Variants in RFC3 observed in about 807,000 individuals in gnomAD.
RFC3 encodes replication factor C subunit 3.
A neutral mutation model predicts 45.1 loss-of-function variants in RFC3; 41 were observed. That is an observed-to-expected ratio of 0.91 (90% CI 0.71 to 1.18). The LOEUF is 1.18. Ranked by LOEUF, RFC3 falls within the 50% of genes most tolerant of loss-of-function variation. RFC3 has a pLI of 0.00. For synonymous variants in RFC3, 149 were observed against 144.0 expected (o/e 1.03, Z -0.25); for missense variants, 423 against 428.1 (o/e 0.99, Z 0.10).
Position 33,931,610 on chromosome 13 carries a change from G to T in RFC3, c.880-34477G>T, listed in dbSNP as rs114176256. ...AAAGATATAATGTTACCTCCAGGGG[G>T]TGCCATTTCCTTGTGAATGACTGCC... On this transcript the variant is annotated intron_variant, in intron 8 of 8. Transcript: ENST00000434425. Among the ~76,000 whole-genome samples the T allele has an allele frequency of 7.2e-3, 1,083 of 150,956 alleles. 7 individuals carry two copies. The highest frequency in any genetic ancestry group is 0.026 in the African/African-American group (1,042 of 40,784).
At chr13:33,956,374 C>T (rs150760109) in intron 8 of RFC3, among the ~76,000 whole-genome samples, 1 of 152,240 alleles carries the variant, frequency 6.6e-6, no homozygotes, top group East Asian at 1.9e-4. Flanking sequence ...TTTCTGGGCC[C>T]ACGTTGGTAT....
In RFC3 at chr13:33,835,223, C is replaced by G. The variant is rs1204331812; in HGVS notation, c.879+6C>G. 6.3e-7 allele frequency: 1 copy of G among 1,595,164 alleles called. No homozygotes were observed. Reference sequence around the variant, plus strand: ...CTCCTGAGATAATAATGAAGGTAACCCAATTTCAGATCTTGAACTTTTTAC... The same window carrying G: ...CTCCTGAGATAATAATGAAGGTAACGCAATTTCAGATCTTGAACTTTTTAC... On this transcript the variant is annotated splice_donor_region_variant and intron_variant, in intron 8 of 8. Coordinates refer to ENST00000380071, the MANE Select transcript of RFC3 (RefSeq NM_002915.4).
intron 8 of RFC3, among the ~76,000 whole-genome samples, chr13:33,861,879 C>T (rs533271484): frequency 6.6e-6 from 1 of 152,238 alleles, no homozygotes; most frequent in Middle Eastern, 3.4e-3. Context: ...GTAAAACTAA[C>T]CCTGAAAATG....
intron 8 of RFC3, among the ~76,000 whole-genome samples, chr13:33,870,801 C>T (rs554751035): frequency 6.6e-6 from 1 of 152,142 alleles, no homozygotes; most frequent in Admixed American, 6.5e-5. Context: ...AAACAGATCC[C>T]AGGACTTATA....
chr13:33,950,760 T>C (rs1464583717), intron 8 of RFC3, among the ~76,000 whole-genome samples: 3 of 151,570 alleles, frequency 2.0e-5, no homozygotes, highest in African/African-American at 7.3e-5. Flanking sequence ...TCTCTCTCTC[T>C]TCTCTTTCTC....
At chr13:33,940,144 T>G (rs138050676) in intron 8 of RFC3, among the ~76,000 whole-genome samples, 34 of 152,304 alleles carry the variant, frequency 2.2e-4, no homozygotes, top group African/African-American at 7.9e-4. Context: ...TTGTTGAATT[T>G]TTATCTAAAT....
At chr13:33,830,082 T>C in intron 5 of RFC3, 65 bp downstream of exon 5, 1 of 1,409,060 alleles carries the variant, frequency 7.1e-7, no homozygotes, top group South Asian at 1.2e-5. Context: ...TGTATGCTTG[T>C]TGTAAAAGAA....
chr13:33,841,623 T>C (rs1274999266), downstream of RFC3, among the ~76,000 whole-genome samples: 3 of 152,238 alleles, frequency 2.0e-5, no homozygotes, highest in Non-Finnish European at 2.9e-5. Context: ...AATAGACTAT[T>C]GGTAATTACA....
downstream of RFC3, among the ~76,000 whole-genome samples, chr13:33,968,639 A>G (rs909847090): frequency 6.6e-6 from 1 of 152,238 alleles, no homozygotes; most frequent in Non-Finnish European, 1.5e-5. Context: ...AGTATCCAAC[A>G]TTGTTGAAAA....
rs115727524 is a variant in RFC3, at chr13:33,958,285, C to T, written c.880-7802C>T. On this transcript the variant is annotated intron_variant, in intron 8 of 8. Transcript: ENST00000434425. ...GCCTTGAGGTGGGAATGGGCCAGGC[C>T]GTTTGGAGTGTAATGGCAGGGTCCC... 4.4e-3 allele frequency among the ~76,000 whole-genome samples: 666 copies of T among 152,230 alleles called. 4 individuals are homozygous for T. The highest frequency in any genetic ancestry group is 0.015 in the African/African-American group (628 of 41,522).
intron 8 of RFC3, among the ~76,000 whole-genome samples, chr13:33,874,202 C>T (rs1270010916): frequency 6.6e-6 from 1 of 152,156 alleles, no homozygotes; most frequent in Non-Finnish European, 1.5e-5. Context: ...TCTATTCTAC[C>T]ACACACTAAT....
chr13:33,828,938 A>G (rs1057043976), intron 4 of RFC3, among the ~76,000 whole-genome samples: 1 of 152,174 alleles, frequency 6.6e-6, no homozygotes, highest in African/African-American at 2.4e-5. Flanking sequence ...TTCCTCCCAC[A>G]CCGTTGCTGA....
intron 1 of RFC3, among the ~76,000 whole-genome samples, chr13:33,818,953 C>A (rs570898315): frequency 9.3e-4 from 131 of 141,346 alleles, no homozygotes; most frequent in African/African-American, 3.2e-3. Context: ...TGCAATGGCG[C>A]GGTCTCGGCT....
At chr13:33,888,368 C>G (rs955209984) in intron 8 of RFC3, among the ~76,000 whole-genome samples, 1 of 152,156 alleles carries the variant, frequency 6.6e-6, no homozygotes, top group African/African-American at 2.4e-5. Flanking sequence ...CTGGGAAGTC[C>G]TCCTAAACAG....
At chr13:33,833,280 G>T (rs3135621) in intron 7 of RFC3, among the ~76,000 whole-genome samples, 33,294 of 151,842 alleles carry the variant, frequency 0.22, 5,660 homozygotes, top group African/African-American at 0.44. Context: ...GAATAGCAGC[G>T]AATATTTCAT....
chr13:33,883,961 A>G (rs1423071201), intron 8 of RFC3, among the ~76,000 whole-genome samples: 1 of 152,018 alleles, frequency 6.6e-6, no homozygotes, highest in South Asian at 2.1e-4. Context: ...CACCTCCACC[A>G]TTTGCTTTAT....
intron 8 of RFC3, among the ~76,000 whole-genome samples, chr13:33,905,071 C>G (rs964368151): frequency 2.0e-5 from 3 of 152,076 alleles, no homozygotes; most frequent in Non-Finnish European, 4.4e-5. Flanking sequence ...AGAAATTGTT[C>G]TCTATCTTAA....
intron 8 of RFC3, among the ~76,000 whole-genome samples, chr13:33,893,906 A>G (rs576244149): frequency 2.0e-5 from 3 of 152,258 alleles, no homozygotes; most frequent in Non-Finnish European, 2.9e-5. Context: ...TCTAAGAAAT[A>G]CTGCTATTCA....
At chr13:33,912,073 T>C (rs2082706759) in intron 8 of RFC3, among the ~76,000 whole-genome samples, 1 of 152,102 alleles carries the variant, frequency 6.6e-6, no homozygotes, top group Non-Finnish European at 1.5e-5. Flanking sequence ...TGCACCAACC[T>C]AATATTTGCA....
Sources: gnomAD v4.1 joint callset for allele counts (sites outside exome capture counted in the v4.1 genomes callset) on GRCh38, gnomAD v4.1.1 for gene constraint, MANE v1.5 for transcripts, NCBI Gene and HGNC (gene_info 2026-07-23, HGNC 2026-07-21) for gene names.